Variants in ASAH2 observed in about 807,000 individuals in gnomAD.
ASAH2 encodes the protein neutral ceramidase.
Under a neutral mutation model 82.9 loss-of-function variants are expected in ASAH2, and 58 were observed. The ratio of observed to expected loss-of-function variants is 0.70; its 90% CI spans 0.57 to 0.87. The LOEUF (loss-of-function observed/expected upper bound fraction) is 0.87. Among genes scored for constraint, ASAH2 ranks in the 40% least tolerant of loss-of-function variants. The pLI is 0.00. For missense variants in ASAH2, 779 were observed against 834.0 expected, an observed-to-expected ratio of 0.93 and a Z score of 0.81; for synonymous variants, 276 against 289.7, an observed-to-expected ratio of 0.95 and a Z score of 0.48.
In ASAH2 at chr10:50,187,118, T is replaced by TCACACACACACA. The variant is rs1171385681; in HGVS notation, c.*185_*196dup. 3.2e-5 allele frequency: 5 copies of TCACACACACACA among 157,408 alleles called. No individual in the cohort carries two copies. Among genetic ancestry groups the TCACACACACACA allele is most frequent in the South Asian group, 1.5e-4 (3 of 20,230 alleles). The allele number at this position is 157,408 out of a possible 1,614,324, so 9.8% of individuals were successfully genotyped here. A position where few individuals can be genotyped will look rare whatever the true frequency, so the allele number is the denominator to read the frequency against. ...CTCTCTCTCTCTCTCTCTCTCTCTCTCACACACACACACACACACACACAC... is the reference window on the plus strand; with the variant it reads ...CTCTCTCTCTCTCTCTCTCTCTCTCTCACACACACACACACACACACACACACACACACACAC... On this transcript the variant is annotated 3_prime_UTR_variant, in exon 21 of 21. Coordinates refer to ENST00000682911, the MANE Select transcript of ASAH2 (RefSeq NM_019893.4).
chr10:50,193,475 A>G (rs1844895373), intron 18 of ASAH2, among the ~76,000 whole-genome samples: 1 of 149,332 alleles, frequency 6.7e-6, no homozygotes, highest in Non-Finnish European at 1.5e-5. Context: ...GTTTGCATGC[A>G]TATAAGGGAA....
chr10:50,212,811 G>A (rs1278386389), intron 10 of ASAH2, among the ~76,000 whole-genome samples, 161 bp downstream of exon 10: 6 of 152,148 alleles, frequency 3.9e-5, no homozygotes, highest in Admixed American at 6.6e-5. Flanking sequence ...TTCCCATGTG[G>A]ATTGCAAAGG....
rs1300537907 is a variant in ASAH2, at chr10:50,240,361, A to T, written c.510+2841T>A. 4 of 686,224 alleles carry T rather than the reference A, an allele frequency of 5.8e-6. No individual in the cohort carries two copies. In the African/African-American group the frequency reaches 7.0e-5, roughly 12 times the overall value. The allele number at this position is 686,224 out of a possible 1,614,324, so 42.5% of individuals were successfully genotyped here. A position where few individuals can be genotyped will look rare whatever the true frequency, so the allele number is the denominator to read the frequency against. Reference sequence around the variant, plus strand: ...GTTTGAAATACCTAGTATGATGATTACTGTTTTCTTAACTGGACCCTCACC... The same window carrying T: ...GTTTGAAATACCTAGTATGATGATTTCTGTTTTCTTAACTGGACCCTCACC... On this transcript the variant is annotated intron_variant, in intron 4 of 20. Transcript: ENST00000682911.
intron 16 of ASAH2, among the ~76,000 whole-genome samples, chr10:50,202,208 TG>T (rs1269542357): frequency 6.6e-6 from 1 of 152,096 alleles, no homozygotes; most frequent in African/African-American, 2.4e-5. Flanking sequence ...TATGCACTGC[TG>T]TTATATACCA....
In ASAH2 at chr10:50,199,112, C is replaced by G. The variant is rs1845072446; in HGVS notation, c.1796G>C (p.Gly599Ala). The change falls in exon 17 of 21, where the codon GGA (glycine) becomes GCA (alanine). Residue 599 changes from glycine (G) to alanine (A), a missense_variant. Around this residue, in one of 3 missense-constraint regions of ASAH2, gnomAD observed 759 missense variants for 755.2 expected, o/e 1.00. Transcript: ENST00000682911. ...AATGTAAGCAGATAATGTGTGCGGTCCATAAATTGTCGATGCTGCCTCATA... is the reference window on the plus strand; with the variant it reads ...AATGTAAGCAGATAATGTGTGCGGTGCATAAATTGTCGATGCTGCCTCATA... ...QRYEAASTIY[G>A]PHTLSAYIQL... is the part of the protein sequence containing the mutation. 1.2e-6 allele frequency: 2 copies of G among 1,613,138 alleles called. No individual in the cohort carries two copies. The highest frequency in any genetic ancestry group is 1.7e-5 in the Admixed American group (1 of 59,930).
intron 7 of ASAH2, among the ~76,000 whole-genome samples, chr10:50,219,816 G>C (rs1022510475): frequency 2.6e-5 from 4 of 152,234 alleles, no homozygotes; most frequent in Admixed American, 2.6e-4. Context: ...ACACAAATGA[G>C]TCATGCTAGT....
At chr10:50,200,044 G>C (rs1342368308) in intron 16 of ASAH2, among the ~76,000 whole-genome samples, 5 of 151,276 alleles carry the variant, frequency 3.3e-5, no homozygotes, top group Admixed American at 3.3e-4. Context: ...CACAGTACCT[G>C]ATAAGTAGTT....
At chr10:50,243,804 G>C (rs1846371773) in intron 3 of ASAH2, among the ~76,000 whole-genome samples, 1 of 152,170 alleles carries the variant, frequency 6.6e-6, no homozygotes, top group African/African-American at 2.4e-5. Flanking sequence ...AAGGTTGAAG[G>C]CTTTCCCATG....
At chr10:50,210,675 G>A (rs1363522984) in intron 12 of ASAH2, 148 bp downstream of exon 12, 5 of 766,624 alleles carry the variant, frequency 6.5e-6, no homozygotes, top group African/African-American at 3.5e-5. Context: ...CAGCGGGTGC[G>A]GTACATGGTC....
At chr10:50,196,121 A>T (rs1425998528) in intron 18 of ASAH2, among the ~76,000 whole-genome samples, 1 of 151,846 alleles carries the variant, frequency 6.6e-6, no homozygotes, top group Non-Finnish European at 1.5e-5. Flanking sequence ...TTCCCCATGT[A>T]TACATATTTC....
intron 5 of ASAH2, 111 bp from the exon 6 acceptor site, chr10:50,234,663 G>GT: frequency 7.0e-7 from 1 of 1,438,146 alleles, no homozygotes; most frequent in Non-Finnish European, 9.8e-7. Context: ...TGTCTCTAAT[G>GT]GGTCCACATT....
Position 50,246,719 on chromosome 10 carries a change from G to A in ASAH2, c.128-1265C>T, listed in dbSNP as rs534042002. Among the ~76,000 whole-genome samples, 41 of 152,172 alleles carry A rather than the reference G, an allele frequency of 2.7e-4. No homozygotes were observed. In the South Asian group the frequency reaches 4.4e-3, roughly 16 times the overall value. On this transcript the variant is annotated intron_variant, in intron 2 of 20. Transcript: ENST00000682911. ...CAAACTCAGGATCTGATGCTCTTTC[G>A]ACCAAATTCTAGGTGGAGTTAGCAT...
chr10:50,213,104 T>A, intron 9 of ASAH2, 46 bp from the exon 10 acceptor site: 1 of 1,469,704 alleles, frequency 6.8e-7, no homozygotes, highest in Non-Finnish European at 9.5e-7. Flanking sequence ...AGTAAGAAAT[T>A]ATTTTAAGGA....
chr10:50,206,442 T>C (rs2133203310), intron 12 of ASAH2, among the ~76,000 whole-genome samples: 1 of 151,804 alleles, frequency 6.6e-6, no homozygotes, highest in African/African-American at 2.4e-5. Context: ...AATCACTTTT[T>C]TCCTGTTTTG....
intron 8 of ASAH2, among the ~76,000 whole-genome samples, chr10:50,216,244 G>A (rs943257365): frequency 7.9e-5 from 12 of 151,880 alleles, no homozygotes; most frequent in Admixed American, 2.6e-4. Flanking sequence ...ACCATAGCAC[G>A]TGTATACCTG....
intron 3 of ASAH2, among the ~76,000 whole-genome samples, chr10:50,243,894 G>A (rs7068333): frequency 0.21 from 31,995 of 152,130 alleles, 5,097 homozygotes; most frequent in African/African-American, 0.43. Flanking sequence ...AGGGTACCTC[G>A]CCCTGGCTTT....
At chr10:50,224,670 A>G (rs1161783369) in intron 7 of ASAH2, among the ~76,000 whole-genome samples, 1 of 152,166 alleles carries the variant, frequency 6.6e-6, no homozygotes, top group Non-Finnish European at 1.5e-5. Context: ...CATGAGTGGA[A>G]AATAAGTCTT....
At chr10:50,228,994 C>T (rs1033477046) in intron 7 of ASAH2, among the ~76,000 whole-genome samples, 3 of 152,190 alleles carry the variant, frequency 2.0e-5, no homozygotes, top group Non-Finnish European at 2.9e-5. Context: ...GGCCTCCTCA[C>T]CTGTCTCAGA....
chr10:50,235,803 G>A (rs1846145181), intron 5 of ASAH2, 85 bp downstream of exon 5: 1 of 1,459,002 alleles, frequency 6.9e-7, no homozygotes, highest in African/African-American at 1.4e-5. Flanking sequence ...AAATCCTATA[G>A]GGATTCTTTA....
Sources: gnomAD v4.1 joint callset for allele counts (sites outside exome capture counted in the v4.1 genomes callset) on GRCh38, gnomAD v4.1.1 for gene constraint, gnomAD v4.1.1 regional missense constraint, MANE v1.5 for transcripts, NCBI Gene and HGNC (gene_info 2026-07-23, HGNC 2026-07-21) for gene names.